NRXN3: variants seen among roughly 807,000 people sequenced by gnomAD.
NRXN3 encodes the protein neurexin III.
A neutral mutation model predicts 137.6 loss-of-function variants in NRXN3; 32 were observed. The observed-to-expected ratio is 0.23, with a 90% CI of 0.18 to 0.31. The LOEUF is 0.31. Among genes scored for constraint, NRXN3 ranks in the 10% least tolerant of loss-of-function variants. The pLI, the probability that NRXN3 is intolerant of heterozygous loss-of-function variation, is 1.00. For missense variants in NRXN3, 1,574 were observed against 2,062.5 expected, an observed-to-expected ratio of 0.76 and a Z score of 4.59; for synonymous variants, 798 against 784.5, an observed-to-expected ratio of 1.02 and a Z score of -0.29.
chr14:78,583,998 GGTAAAGCTAATAGCAT>G (rs1213971819), intron 4 of NRXN3, among the ~76,000 whole-genome samples: 1 of 152,092 alleles, frequency 6.6e-6, no homozygotes, highest in Non-Finnish European at 1.5e-5. Flanking sequence ...TCAGTAATCC[GGTAAAGCTAATAGCAT>G]GTTGATTACC....
intron 4 of NRXN3, among the ~76,000 whole-genome samples, chr14:78,467,194 TG>T (rs2153724768): frequency 6.6e-6 from 1 of 152,306 alleles, no homozygotes; most frequent in Admixed American, 6.5e-5. Context: ...CCTCATGCCA[TG>T]GTCACTCACA....
intron 4 of NRXN3, among the ~76,000 whole-genome samples, chr14:78,583,302 G>A (rs1405489053): frequency 3.9e-5 from 6 of 151,958 alleles, no homozygotes; most frequent in Admixed American, 3.9e-4. Flanking sequence ...AATATTAAAT[G>A]TGAGGAGAGG....
At chr14:79,397,686 G>A (rs1237310396) in intron 15 of NRXN3, among the ~76,000 whole-genome samples, 1 of 152,110 alleles carries the variant, frequency 6.6e-6, no homozygotes, top group African/African-American at 2.4e-5. Flanking sequence ...CCATAAATTT[G>A]GCCTAAGTAT....
intron 15 of NRXN3, among the ~76,000 whole-genome samples, chr14:79,130,548 G>A (rs1363483299): frequency 6.6e-6 from 1 of 152,046 alleles, no homozygotes; most frequent in Non-Finnish European, 1.5e-5. Flanking sequence ...CGAGAGATCA[G>A]CTGTTAGTCT....
chr14:79,401,332 A>G (rs545659702), intron 15 of NRXN3, among the ~76,000 whole-genome samples: 1 of 152,214 alleles, frequency 6.6e-6, no homozygotes, highest in South Asian at 2.1e-4. Flanking sequence ...TACTTAGAAA[A>G]GTGGAAATTA....
intron 16 of NRXN3, among the ~76,000 whole-genome samples, chr14:79,602,451 T>G (rs2097937271): frequency 6.6e-6 from 1 of 152,216 alleles, no homozygotes. Context: ...GCACAGTGTT[T>G]CTTCATCTTA....
At chr14:79,629,266 C>T (rs1021451547) in intron 16 of NRXN3, among the ~76,000 whole-genome samples, 20 of 151,718 alleles carry the variant, frequency 1.3e-4, no homozygotes, top group Admixed American at 5.3e-4. Flanking sequence ...TATATAATTC[C>T]GAAATGAAAA....
intron 20 of NRXN3, among the ~76,000 whole-genome samples, chr14:79,847,255 A>G (rs1305191285): frequency 2.0e-5 from 3 of 151,932 alleles, no homozygotes; most frequent in African/African-American, 7.3e-5. Context: ...CCATCTCCAC[A>G]CCCTCCAATA....
At chr14:78,617,679 G>A (rs956665408) in intron 4 of NRXN3, among the ~76,000 whole-genome samples, 2 of 151,960 alleles carry the variant, frequency 1.3e-5, no homozygotes, top group Admixed American at 6.6e-5. Flanking sequence ...ACCTGAGCTC[G>A]ACCCTTCACT....
intron 1 of NRXN3, among the ~76,000 whole-genome samples, chr14:78,210,190 A>T (rs919865339): frequency 1.3e-5 from 2 of 152,154 alleles, no homozygotes; most frequent in African/African-American, 2.4e-5. Context: ...GGCGAGTGGG[A>T]AATCCAGGAT....
At chr14:78,356,041 G>C (rs896525636) in intron 4 of NRXN3, among the ~76,000 whole-genome samples, 2 of 152,216 alleles carry the variant, frequency 1.3e-5, no homozygotes, top group African/African-American at 4.8e-5. Flanking sequence ...TCTTAACTTA[G>C]TTCTGGAGAA....
intron 10 of NRXN3, among the ~76,000 whole-genome samples, chr14:78,882,759 T>C (rs1474003392): frequency 1.3e-5 from 2 of 151,550 alleles, no homozygotes; most frequent in African/African-American, 4.9e-5. Flanking sequence ...AGTTAAGAAT[T>C]TGGGGGACTG....
At chr14:79,454,435 C>T (rs1013133863) in intron 15 of NRXN3, among the ~76,000 whole-genome samples, 1 of 152,070 alleles carries the variant, frequency 6.6e-6, no homozygotes, top group African/African-American at 2.4e-5. Flanking sequence ...AGGCTGGTCT[C>T]GAACTCCCAA....
chr14:78,321,746 C>G (rs1449680393), intron 4 of NRXN3, among the ~76,000 whole-genome samples: 1 of 151,988 alleles, frequency 6.6e-6, no homozygotes, highest in Non-Finnish European at 1.5e-5. Flanking sequence ...TAAACCGAGT[C>G]AAAAGAGGTA....
At chr14:79,228,798 C>T (rs77551563) in intron 15 of NRXN3, among the ~76,000 whole-genome samples, 2,964 of 152,260 alleles carry the variant, frequency 0.019, 100 homozygotes, top group African/African-American at 0.068. Context: ...AAAAATTAGA[C>T]AGTCATTTAG....
intron 16 of NRXN3, among the ~76,000 whole-genome samples, chr14:79,568,286 TAA>T (rs1191643444): frequency 1.3e-5 from 2 of 152,308 alleles, no homozygotes; most frequent in East Asian, 3.9e-4. Context: ...TCCATATCTC[TAA>T]AAGTTACTTA....
At chr14:78,422,005 G>A (rs982566198) in intron 4 of NRXN3, among the ~76,000 whole-genome samples, 3 of 152,202 alleles carry the variant, frequency 2.0e-5, no homozygotes, top group African/African-American at 7.2e-5. Flanking sequence ...CCGTTTATTA[G>A]TTGGCTCATG....
At chr14:79,496,496 G>A (rs1216882345) in intron 16 of NRXN3, among the ~76,000 whole-genome samples, 6 of 152,134 alleles carry the variant, frequency 3.9e-5, no homozygotes, top group Non-Finnish European at 7.4e-5. Context: ...TGGTGAATTG[G>A]AAGGATTTTG....
chr14:78,450,799 C>T lies in NRXN3; in HGVS notation c.757+152939C>T, dbSNP rs150789888. On this transcript the variant is annotated intron_variant, in intron 4 of 20. Transcript: ENST00000335750. ...AATGATCTATTTGGAAGTGCAATTG[C>T]CTGGAATTACATGGTGGCGCGAGAG... Among the ~76,000 whole-genome samples, 115 of 152,234 alleles carry T rather than the reference C, an allele frequency of 7.6e-4. No individual in the cohort carries two copies. In the East Asian group the frequency reaches 0.019, roughly 25 times the overall value.
Sources: allele counts gnomAD v4.1 joint callset (sites outside exome capture counted in the v4.1 genomes callset), GRCh38; gene constraint gnomAD v4.1.1; transcripts MANE v1.5; gene names NCBI Gene and HGNC (gene_info 2026-07-23, HGNC 2026-07-21).